The following GOLGA3 variants were observed in gnomAD, a reference collection of about 807,000 sequenced individuals.
GOLGA3 encodes the protein golgin A3.
A neutral mutation model predicts 169.4 loss-of-function variants in GOLGA3; 75 were observed. The ratio of observed to expected loss-of-function variants is 0.44; its 90% CI spans 0.37 to 0.54. The LOEUF is 0.54. GOLGA3 is among the 20% of genes least tolerant of loss of function. The pLI is 0.00. For synonymous variants in GOLGA3, 824 were observed against 822.4 expected (o/e 1.00, Z -0.03); for missense variants, 1,899 against 1,930.0 (o/e 0.98, Z 0.30).
Position 132,818,138 on chromosome 12 carries a change from A to G in GOLGA3, c.134-1326T>C, listed in dbSNP as rs867526861. Among the ~76,000 whole-genome samples the G allele has an allele frequency of 7.6e-4, 76 of 100,594 alleles. 1 individual carries two copies. Among genetic ancestry groups the G allele is most frequent in the Middle Eastern group, 7.5e-3 (1 of 134 alleles). The allele number at this position is 100,594 out of a possible 152,430, so 66.0% of individuals were successfully genotyped here. On this transcript the variant is annotated intron_variant, in intron 2 of 23. Transcript: ENST00000450791. ...CTCCTCCATGCTCTAAGGTGAACCC[A>G]CCCTCCACTCCTCCATGCTCTAAGG...
intron 2 of GOLGA3, among the ~76,000 whole-genome samples, chr12:132,821,426 A>C (rs1343683711): frequency 6.6e-6 from 1 of 151,956 alleles, no homozygotes; most frequent in Non-Finnish European, 1.5e-5. Flanking sequence ...AAAAAGGTAG[A>C]ATTTTAGGCA....
At position 132,816,653 on chromosome 12, in the gene GOLGA3, G is replaced by T; in HGVS notation, c.293C>A (p.Ala98Asp). The stretch of plus-strand genomic sequence containing the variant: ...CTTCCTTAGGTTGTCATGGAAACCA[G>T]CCACACCTGGAGAGGCATCAGGGCC... The part of the protein sequence containing the change: ...PVGPDASPGV[A>D]GFHDNLRKSQ... The change falls in exon 3 of 24, where the codon GCT (alanine) becomes GAT (aspartate). Residue 98 changes from alanine (A) to aspartate (D), a missense_variant. Ala to Asp is a moderately radical substitution (Grantham distance 126). Coordinates refer to ENST00000450791, the MANE Select transcript of GOLGA3 (RefSeq NM_001389683.1). The T allele has an allele frequency of 6.2e-7, 1 of 1,614,172 alleles. No individual in the cohort carries two copies. Among genetic ancestry groups the T allele is most frequent in the African/African-American group, 1.3e-5 (1 of 75,056 alleles).
At chr12:132,782,128 G>A (rs747254309) in intron 17 of GOLGA3, among the ~76,000 whole-genome samples, 168 bp downstream of exon 17, 2 of 152,190 alleles carry the variant, frequency 1.3e-5, no homozygotes, top group African/African-American at 2.4e-5. Context: ...CAACAGCTGG[G>A]GACCCAGGGC....
intron 18 of GOLGA3, among the ~76,000 whole-genome samples, chr12:132,778,659 G>T (rs1217823551): frequency 6.6e-6 from 1 of 151,686 alleles, no homozygotes; most frequent in Non-Finnish European, 1.5e-5. Flanking sequence ...TTAATTGGAA[G>T]GCCAAGGCGG....
chr12:132,806,896 G>C (rs1377172225), intron 6 of GOLGA3, among the ~76,000 whole-genome samples: 3 of 152,128 alleles, frequency 2.0e-5, no homozygotes, highest in South Asian at 2.1e-4. Flanking sequence ...AACCCACCAA[G>C]AGAATTTGAC....
intron 3 of GOLGA3, among the ~76,000 whole-genome samples, chr12:132,815,669 G>A (rs2136695730): frequency 6.6e-6 from 1 of 152,320 alleles, no homozygotes; most frequent in South Asian, 2.1e-4. Context: ...GCCAAGGTAT[G>A]ACGATCACTT....
intron 4 of GOLGA3, among the ~76,000 whole-genome samples, chr12:132,811,246 A>G (rs775505113): frequency 6.6e-6 from 1 of 151,736 alleles, no homozygotes; most frequent in Admixed American, 6.6e-5. Flanking sequence ...TTGTGTCTTT[A>G]TTTCTACACT....
rs1185045298 is a variant in GOLGA3, at chr12:132,816,682, T to C, written c.264A>G (p.Pro88=). ...PPSSLDPTTS[P]VGPDASPGVA... ...CACCTGGAGAGGCATCAGGGCCCAC[T>C]GGGCTTGTGGTGGGATCGAGAGACG... Residue 88 remains proline, a synonymous_variant, in exon 3 of 24, where the codon CCA becomes CCG. Transcript: ENST00000450791. The C allele has an allele frequency of 6.2e-7, 1 of 1,614,160 alleles. No homozygotes were observed. Among genetic ancestry groups the C allele is most frequent in the Non-Finnish European group, 8.5e-7 (1 of 1,180,012 alleles).
In GOLGA3 at chr12:132,812,677, G is replaced by GATGTGACTGAATTGCTGCA. The variant is rs1025320976; in HGVS notation, c.519+611_519+629dup. On this transcript the variant is annotated intron_variant, in intron 4 of 23. Coordinates refer to ENST00000450791, the MANE Select transcript of GOLGA3 (RefSeq NM_001389683.1). Reference sequence around the variant, plus strand: ...ACTAGAACTAGAAGTGGAGCCTGAAGATGTGACTGAATTGCTGCAATCTCA... The same window carrying GATGTGACTGAATTGCTGCA: ...ACTAGAACTAGAAGTGGAGCCTGAAGATGTGACTGAATTGCTGCAATGTGACTGAATTGCTGCAATCTCA... Among the ~76,000 whole-genome samples the GATGTGACTGAATTGCTGCA allele has an allele frequency of 2.0e-5, 3 of 152,254 alleles. No homozygotes were observed. The South Asian group carries it at 6.2e-4, about 31-fold the overall frequency.
intron 7 of GOLGA3, among the ~76,000 whole-genome samples, chr12:132,803,088 CAACAA>C (rs1566114133): frequency 6.8e-6 from 1 of 147,712 alleles, no homozygotes; most frequent in Non-Finnish European, 1.5e-5. Context: ...AACAACAAAA[CAACAA>C]AAAAAAACAC....
At chr12:132,808,613 C>G in intron 4 of GOLGA3, 64 bp from the exon 5 acceptor site, 1 of 1,308,582 alleles carries the variant, frequency 7.6e-7, no homozygotes, top group Non-Finnish European at 1.1e-6. Context: ...CTTAAAACTG[C>G]CATTCAGAAA....
intron 7 of GOLGA3, among the ~76,000 whole-genome samples, chr12:132,803,611 C>T (rs1949238240): frequency 6.6e-6 from 1 of 152,158 alleles, no homozygotes; most frequent in African/African-American, 2.4e-5. Flanking sequence ...TTGGGTATCA[C>T]GAAATGCTCA....
At chr12:132,796,361 C>T (rs1485207932) in intron 10 of GOLGA3, 141 bp from the exon 11 acceptor site, 1 of 1,232,454 alleles carries the variant, frequency 8.1e-7, no homozygotes, top group Admixed American at 2.7e-5. Flanking sequence ...ATAGAAGAAC[C>T]AGCAGGGCAA....
At chr12:132,802,760 C>T (rs1052147302) in intron 7 of GOLGA3, among the ~76,000 whole-genome samples, 8 of 152,002 alleles carry the variant, frequency 5.3e-5, no homozygotes, top group Non-Finnish European at 7.4e-5. Context: ...TGTTTAAAAA[C>T]ACTAGACAGT....
intron 15 of GOLGA3, 21 bp downstream of exon 15, chr12:132,786,318 G>A: frequency 6.6e-7 from 1 of 1,525,000 alleles, no homozygotes; most frequent in Non-Finnish European, 9.0e-7. Flanking sequence ...CCCTGGCCGG[G>A]GATGGCACGG....
intron 17 of GOLGA3, among the ~76,000 whole-genome samples, chr12:132,781,932 A>AACTAAGCAGGTCTGCCCCCCG (rs1044104985): frequency 6.0e-5 from 9 of 149,116 alleles, no homozygotes; most frequent in Admixed American, 2.0e-4. Flanking sequence ...TCTGCCCCCC[A>AACTAAGCAGGTCTGCCCCCCG]ACTAAGCAGG....
chr12:132,782,603 G>GTGAGCCTCTGCGCCTGGC, intron 16 of GOLGA3, 110 bp from the exon 17 acceptor site: 1 of 848,724 alleles, frequency 1.2e-6, no homozygotes, highest in Non-Finnish European at 2.0e-6. Flanking sequence ...TAGGCCAGGC[G>GTGAGCCTCTGCGCCTGGC]CAGAGGCTCA....
chr12:132,783,257 G>A (rs548074985), intron 16 of GOLGA3, among the ~76,000 whole-genome samples: 3 of 92,010 alleles, frequency 3.3e-5, no homozygotes, highest in African/African-American at 8.4e-5. Context: ...GACCGTGCTT[G>A]CTTCATGATC....
In GOLGA3 at chr12:132,771,178, A is replaced by T. The variant is rs1013894237; in HGVS notation, c.*1927T>A. On this transcript the variant is annotated 3_prime_UTR_variant, in exon 24 of 24. Transcript: ENST00000450791. ...CTAGAGAATATTTTTTAAATACCAA[A>T]CATCTTTGTGGTTAATGCTACCTTA... 5.9e-5 allele frequency: 9 copies of T among 152,654 alleles called. No individual in the cohort carries two copies. Among genetic ancestry groups the T allele is most frequent in the African/African-American group, 2.2e-4 (9 of 41,460 alleles). 9.5% of individuals were successfully genotyped at this position (152,654 alleles called of 1,614,324 possible). A position where few individuals can be genotyped will look rare whatever the true frequency, so the allele number is the denominator to read the frequency against.
Sources: gnomAD v4.1 joint callset for allele counts (sites outside exome capture counted in the v4.1 genomes callset) on GRCh38, gnomAD v4.1.1 for gene constraint, MANE v1.5 for transcripts, NCBI Gene and HGNC (gene_info 2026-07-23, HGNC 2026-07-21) for gene names.